The following ACSM2B variants were observed in gnomAD, a reference collection of about 807,000 sequenced individuals.
ACSM2B encodes the protein acyl-CoA synthetase medium chain family member 2B.
In ACSM2B, 58 loss-of-function variants were observed where a neutral mutation model predicts 78.6. The ratio of observed to expected loss-of-function variants is 0.74; its 90% CI spans 0.60 to 0.92. The LOEUF (loss-of-function observed/expected upper bound fraction) is 0.92. ACSM2B is among the 40% of genes least tolerant of loss of function. The pLI, the probability that ACSM2B is intolerant of heterozygous loss-of-function variation, is 0.00. For missense variants in ACSM2B, 688 were observed against 711.2 expected (o/e 0.97, Z 0.37); for synonymous variants, 257 against 256.8 (o/e 1.00, Z -0.01).
At chr16:20,553,739 T>C in intron 5 of ACSM2B, 38 bp downstream of exon 5, 4 of 1,599,394 alleles carry the variant, frequency 2.5e-6, no homozygotes, top group Non-Finnish European at 2.6e-6. Flanking sequence ...TCATGCCTGG[T>C]CATGCAATTC....
At chr16:20,565,802 T>C (rs1045081867) in intron 1 of ACSM2B, among the ~76,000 whole-genome samples, 5 of 152,078 alleles carry the variant, frequency 3.3e-5, no homozygotes, top group African/African-American at 4.8e-5. Flanking sequence ...TGTACCCTTT[T>C]ATTCCTCACC....
chr16:20,544,403 T>A (rs2015078930), intron 10 of ACSM2B: 1 of 302,138 alleles, frequency 3.3e-6, no homozygotes, highest in Admixed American at 6.5e-5. Flanking sequence ...TCCAAAAACT[T>A]TATAGGGTGG....
At position 20,547,143 on chromosome 16, in the gene ACSM2B, A is replaced by T; in HGVS notation, c.1099-669T>A. 2.9e-6 allele frequency: 3 copies of T among 1,020,172 alleles called. No homozygotes were observed. The South Asian group carries it at 1.2e-4, about 40-fold the overall frequency. 63.2% of individuals were successfully genotyped at this position (1,020,172 alleles called of 1,614,324 possible). A position where few individuals can be genotyped will look rare whatever the true frequency, so the allele number is the denominator to read the frequency against. ...AATGACCCATCTTTTCCCGCCACCC[A>T]CTGTGCTGGAAAGGGCAAGTTGATT... On this transcript the variant is annotated intron_variant, in intron 8 of 13. Transcript: ENST00000329697.
chr16:20,545,138 G>A lies in ACSM2B; in HGVS notation c.1281+19C>T. On this transcript the variant is annotated intron_variant, in intron 10 of 13. Coordinates refer to ENST00000329697, the MANE Select transcript of ACSM2B (RefSeq NM_001105069.2). ...CCATCCTCACTGGGGAACAGAGGAGGAGAAGCACAGTTTCTCACCACATAG... is the reference window on the plus strand; with the variant it reads ...CCATCCTCACTGGGGAACAGAGGAGAAGAAGCACAGTTTCTCACCACATAG... 7 of 1,605,872 alleles carry A rather than the reference G, an allele frequency of 4.4e-6. No individual in the cohort carries two copies. Among genetic ancestry groups the A allele is most frequent in the Non-Finnish European group, 6.0e-6 (7 of 1,174,338 alleles).
At chr16:20,543,052 G>A (rs747655051) in intron 11 of ACSM2B, 39 bp from the exon 12 acceptor site, 28 of 1,613,010 alleles carry the variant, frequency 1.7e-5, no homozygotes, top group South Asian at 6.6e-5. Context: ...ACTGGACACC[G>A]AACCTCTAGG....
intron 1 of ACSM2B, among the ~76,000 whole-genome samples, chr16:20,568,347 CAT>C (rs1436670513): frequency 7.0e-6 from 1 of 143,058 alleles, no homozygotes; most frequent in Non-Finnish European, 1.5e-5. Flanking sequence ...TATAATATAT[CAT>C]ATATCATATA....
chr16:20,564,217 C>T (rs1031879227), intron 2 of ACSM2B, among the ~76,000 whole-genome samples: 1 of 152,058 alleles, frequency 6.6e-6, no homozygotes, highest in African/African-American at 2.4e-5. Context: ...CCTCAATCTC[C>T]TGAGTAGCTA....
chr16:20,561,550 A>G (rs1356048791), intron 2 of ACSM2B, among the ~76,000 whole-genome samples: 4 of 151,912 alleles, frequency 2.6e-5, no homozygotes, highest in African/African-American at 9.7e-5. Flanking sequence ...AATGTCTTCC[A>G]CCAGGCCCTA....
chr16:20,567,210 AT>A, intron 1 of ACSM2B, among the ~76,000 whole-genome samples: 1 of 131,932 alleles, frequency 7.6e-6, no homozygotes, highest in South Asian at 2.2e-4. Flanking sequence ...TATATTATAT[AT>A]TATACTATAT....
chr16:20,566,331 A>G (rs936791635), intron 1 of ACSM2B, among the ~76,000 whole-genome samples: 2 of 133,308 alleles, frequency 1.5e-5, no homozygotes, highest in African/African-American at 5.5e-5. Context: ...GCTTGGAATG[A>G]AGAAAGGCAC....
At chr16:20,563,179 G>T (rs1236685799) in intron 2 of ACSM2B, among the ~76,000 whole-genome samples, 1 of 152,114 alleles carries the variant, frequency 6.6e-6, no homozygotes, top group Non-Finnish European at 1.5e-5. Context: ...TTTTGTATTT[G>T]ACTAACAAGA....
At chr16:20,540,513 G>A (rs2014959545) in intron 13 of ACSM2B, 141 bp downstream of exon 13, 2 of 1,422,734 alleles carry the variant, frequency 1.4e-6, no homozygotes, top group East Asian at 2.5e-5. Flanking sequence ...AAAGTGCTGG[G>A]ATTGCAGGTG....
In ACSM2B at chr16:20,548,088, G is replaced by A. The variant is rs201804117; in HGVS notation, c.1072C>T (p.Arg358Ter). ...GTTTCTGTCTGGCCATAGAATTCTCGGATGTCCAGTCCTGTCTGGGCCCTC... is the reference window on the plus strand; with the variant it reads ...GTTTCTGTCTGGCCATAGAATTCTCAGATGTCCAGTCCTGTCTGGGCCCTC... Reference protein sequence around the residue: ...NWRAQTGLDIREFYGQTETGL... With the variant: ...NWRAQTGLDI Residue 358 changes from arginine (R) to a stop codon, truncating the protein, a stop_gained, in exon 8 of 14, where the codon CGA becomes TGA. Coordinates refer to ENST00000329697, the MANE Select transcript of ACSM2B (RefSeq NM_001105069.2). LOFTEE classifies it high-confidence loss of function. The A allele has an allele frequency of 7.9e-5, 128 of 1,614,006 alleles. No individual in the cohort carries two copies. Among genetic ancestry groups the A allele is most frequent in the African/African-American group, 2.3e-4 (17 of 74,990 alleles).
intron 1 of ACSM2B, chr16:20,575,756 A>C (rs1391367620): frequency 6.7e-6 from 1 of 149,202 alleles, no homozygotes; most frequent in African/African-American, 2.4e-5. Context: ...ATCAATTGAC[A>C]CTCAGTATTA....
chr16:20,541,544 G>A (rs1316257325), intron 12 of ACSM2B, among the ~76,000 whole-genome samples: 2 of 151,970 alleles, frequency 1.3e-5, no homozygotes, highest in Non-Finnish European at 2.9e-5. Context: ...TCAGGAATAA[G>A]ACTCTGATTC....
rs267604439 is a variant in ACSM2B, at chr16:20,548,136, G to A, written c.1024C>T (p.Leu342Phe). The A allele has an allele frequency of 6.8e-6, 11 of 1,613,986 alleles. No homozygotes were observed. Among genetic ancestry groups the A allele is most frequent in the East Asian group, 2.2e-5 (1 of 44,898 alleles). ...CTCCAGTTCTCCAGAGTTTCTGGAA[G>A]AAGGGACTCCCCTCCAGCGAGGCAG... ...QNCLAGGESL[L>F]PETLENWRAQ... Residue 342 changes from leucine to phenylalanine, a missense_variant, in exon 8 of 14, where the codon CTT becomes TTT. Coordinates refer to ENST00000329697, the MANE Select transcript of ACSM2B (RefSeq NM_001105069.2).
rs1012591425 is a variant in ACSM2B, at chr16:20,564,147, G to A, written c.177+522C>T. Among the ~76,000 whole-genome samples, 3 of 152,264 alleles carry A rather than the reference G, an allele frequency of 2.0e-5. No individual in the cohort carries two copies. The South Asian group carries it at 6.2e-4, about 32-fold the overall frequency. On this transcript the variant is annotated intron_variant, in intron 2 of 13. Coordinates refer to ENST00000329697, the MANE Select transcript of ACSM2B (RefSeq NM_001105069.2). The stretch of plus-strand genomic sequence containing the variant: ...GAGAGAGAATCTCACTCTGTGGAGT[G>A]CGGTGGTGTGATCACAGTTCACTGC...
intron 1 of ACSM2B, chr16:20,574,315 A>G (rs1340897644): frequency 2.0e-5 from 3 of 152,164 alleles, no homozygotes; most frequent in Non-Finnish European, 4.4e-5. Context: ...TTTTCCGGGT[A>G]TACTGATTTC....
At chr16:20,573,033 A>T (rs1460589165) in intron 1 of ACSM2B, among the ~76,000 whole-genome samples, 2 of 150,130 alleles carry the variant, frequency 1.3e-5, no homozygotes, top group Non-Finnish European at 3.0e-5. Flanking sequence ...TGATTAGCTT[A>T]ATAATTGCCC....
Sources: allele counts gnomAD v4.1 joint callset (sites outside exome capture counted in the v4.1 genomes callset), GRCh38; gene constraint gnomAD v4.1.1; transcripts MANE v1.5; gene names NCBI Gene and HGNC (gene_info 2026-07-23, HGNC 2026-07-21).